The following RBM27 variants were observed in gnomAD, a reference collection of about 807,000 sequenced individuals.
The protein encoded by RBM27 is RNA binding motif protein 27.
RBM27 carries 22 observed loss-of-function variants against 135.3 expected under a neutral mutation model. That is an observed-to-expected ratio of 0.16 (90% CI 0.12 to 0.23). The LOEUF (loss-of-function observed/expected upper bound fraction) is 0.23. Ranked by LOEUF, RBM27 falls within the 10% of genes least tolerant of loss-of-function variation. The pLI, the probability that RBM27 is intolerant of heterozygous loss-of-function variation, is 1.00. For synonymous variants in RBM27, 481 were observed against 442.4 expected, an observed-to-expected ratio of 1.09 and a Z score of -1.10; for missense variants, 1,009 against 1,281.0, an observed-to-expected ratio of 0.79 and a Z score of 3.24.
intron 1 of RBM27, among the ~76,000 whole-genome samples, chr5:146,212,463 T>TGTG: frequency 6.6e-6 from 1 of 151,508 alleles, no homozygotes; most frequent in Non-Finnish European, 1.5e-5. Flanking sequence ...ATCCTCCCAC[T>TGTG]TCAGCCTCCT....
At chr5:146,243,118 T>C (rs896096530) in intron 8 of RBM27, among the ~76,000 whole-genome samples, 1 of 151,508 alleles carries the variant, frequency 6.6e-6, no homozygotes, top group Non-Finnish European at 1.5e-5. Context: ...ATACAAAAAT[T>C]AGCTGGGTGT....
intron 8 of RBM27, chr5:146,245,352 T>C (rs1166637284): frequency 1.3e-5 from 2 of 152,176 alleles, no homozygotes; most frequent in East Asian, 3.8e-4. Flanking sequence ...TTGCTTTTGG[T>C]CTGTTCTGCT....
intron 6 of RBM27, among the ~76,000 whole-genome samples, chr5:146,233,242 C>G (rs1035236422): frequency 6.6e-6 from 1 of 152,090 alleles, no homozygotes; most frequent in Non-Finnish European, 1.5e-5. Context: ...CTCAACAAGT[C>G]ATAGTATCAT....
rs867746527 is a variant in RBM27, at chr5:146,286,119, A to G, written c.*89A>G. ...TTAAAAGAAGTCAATGAGCCAAAAA[A>G]AATTTTTTTATTTTTCTTTTCAACA... On this transcript the variant is annotated 3_prime_UTR_variant, in exon 21 of 21. Transcript: ENST00000265271. 2.6e-4 allele frequency: 324 copies of G among 1,232,818 alleles called. 2 individuals carry two copies. The highest frequency in any genetic ancestry group is 8.1e-4 in the Middle Eastern group (4 of 4,964). 76.4% of individuals were successfully genotyped at this position (1,232,818 alleles called of 1,614,324 possible).
In RBM27 at chr5:146,286,111, GC is replaced by G; in HGVS notation, c.*83del. On this transcript the variant is annotated 3_prime_UTR_variant, in exon 21 of 21. Transcript: ENST00000265271. ...AAAATTATTTAAAAGAAGTCAATGA[GC>G]CAAAAAAAATTTTTTTATTTTTCTT... 1 of 1,340,232 alleles carries G rather than the reference GC, an allele frequency of 7.5e-7. No individual in the cohort carries two copies. Among genetic ancestry groups the G allele is most frequent in the Non-Finnish European group, 1.0e-6 (1 of 977,008 alleles). 83.0% of individuals were successfully genotyped at this position (1,340,232 alleles called of 1,614,324 possible).
At chr5:146,253,545 G>A (rs1277977969) in intron 9 of RBM27, among the ~76,000 whole-genome samples, 1 of 151,690 alleles carries the variant, frequency 6.6e-6, no homozygotes, top group Admixed American at 6.6e-5. Context: ...TCCATGAGCT[G>A]TTTTCAAAAC....
In RBM27 at chr5:146,271,516, G is replaced by A. The variant is rs764853918; in HGVS notation, c.2830G>A (p.Gly944Arg). Residue 944 changes from glycine (G) to arginine (R), a missense_variant, in exon 19 of 21, where the codon GGA becomes AGA. Transcript: ENST00000265271. ...ARLGILPVGR[G>R]KTMSSQGRGR... ...GTTAGGTATTTTACCTGTGGGTCGA[G>A]GAAAGACCATGTCCTCTCAAGGTCG... is the stretch of plus-strand genomic sequence containing the variant. The A allele has an allele frequency of 2.5e-6, 4 of 1,613,574 alleles. No homozygotes were observed. The South Asian group carries it at 4.4e-5, about 18-fold the overall frequency.
chr5:146,232,965 A>G (rs1226387408), intron 6 of RBM27, among the ~76,000 whole-genome samples: 2 of 152,226 alleles, frequency 1.3e-5, no homozygotes, highest in South Asian at 2.1e-4. Flanking sequence ...GTACAGTGCT[A>G]CAAGTGATAA....
intron 13 of RBM27, among the ~76,000 whole-genome samples, chr5:146,262,544 C>T (rs186597987): frequency 1.2e-4 from 19 of 152,306 alleles, no homozygotes; most frequent in African/African-American, 4.1e-4. Flanking sequence ...CAGAGATTGA[C>T]CTAGATAATC....
At chr5:146,240,077 T>A (rs970638279) in intron 8 of RBM27, among the ~76,000 whole-genome samples, 8 of 152,096 alleles carry the variant, frequency 5.3e-5, no homozygotes, top group African/African-American at 1.9e-4. Context: ...GTTCCTGGCC[T>A]TTAACTCTTT....
chr5:146,242,085 C>T (rs551909074), intron 8 of RBM27, among the ~76,000 whole-genome samples: 3 of 151,810 alleles, frequency 2.0e-5, no homozygotes, highest in African/African-American at 4.8e-5. Context: ...CCATCACACA[C>T]GGCCTCAAGG....
chr5:146,254,804 G>A, intron 9 of RBM27, 139 bp from the exon 10 acceptor site: 1 of 725,690 alleles, frequency 1.4e-6, no homozygotes, highest in Non-Finnish European at 2.1e-6. Flanking sequence ...GTCCCTCACA[G>A]ATACTGAGAG....
At chr5:146,205,654 A>G (rs868778208) in intron 1 of RBM27, among the ~76,000 whole-genome samples, 1 of 152,178 alleles carries the variant, frequency 6.6e-6, no homozygotes, top group African/African-American at 2.4e-5. Flanking sequence ...AAGGTGGGAA[A>G]TAAGATGGAT....
At chr5:146,250,499 T>C (rs1223104041) in intron 8 of RBM27, among the ~76,000 whole-genome samples, 1 of 151,452 alleles carries the variant, frequency 6.6e-6, no homozygotes, top group Non-Finnish European at 1.5e-5. Flanking sequence ...ATGTTGGACA[T>C]ATATAATAAC....
At chr5:146,239,485 T>C (rs1353156504) in intron 8 of RBM27, among the ~76,000 whole-genome samples, 74 of 144,918 alleles carry the variant, frequency 5.1e-4, no homozygotes, top group African/African-American at 1.7e-3. Flanking sequence ...TTTTTTTTTT[T>C]TTTTTTTTTT....
chr5:146,206,511 A>T, intron 1 of RBM27, among the ~76,000 whole-genome samples: 1 of 149,240 alleles, frequency 6.7e-6, no homozygotes. Flanking sequence ...CTTAAAGTTC[A>T]CATGCTTATT....
intron 19 of RBM27, among the ~76,000 whole-genome samples, chr5:146,275,961 A>G (rs1759075442): frequency 6.6e-6 from 1 of 152,094 alleles, no homozygotes; most frequent in Non-Finnish European, 1.5e-5. Context: ...AGATTAATAT[A>G]TTTCTCTTCT....
intron 2 of RBM27, among the ~76,000 whole-genome samples, chr5:146,220,323 A>G (rs1289015987): frequency 6.6e-6 from 1 of 152,016 alleles, no homozygotes; most frequent in Non-Finnish European, 1.5e-5. Context: ...TAAAAATACA[A>G]AATTAGCTGG....
intron 7 of RBM27, among the ~76,000 whole-genome samples, chr5:146,235,033 A>AAAATAAATAAATAAATAAATAAAT (rs59434635): frequency 1.4e-5 from 2 of 139,462 alleles, no homozygotes; most frequent in African/African-American, 2.7e-5. Flanking sequence ...CCCTGTCTCA[A>AAAATAAATAAATAAATAAATAAAT]AAATAAATAA....
Sources: gnomAD v4.1 joint callset for allele counts (sites outside exome capture counted in the v4.1 genomes callset) on GRCh38, gnomAD v4.1.1 for gene constraint, MANE v1.5 for transcripts, NCBI Gene and HGNC (gene_info 2026-07-23, HGNC 2026-07-21) for gene names.